The following MBD5 variants were observed in gnomAD, a reference collection of about 807,000 sequenced individuals.
The protein encoded by MBD5 is methyl-CpG binding domain protein 5, also known as methyl-CpG-binding domain protein 5.
A neutral mutation model predicts 117.3 loss-of-function variants in MBD5; 13 were observed. That is an observed-to-expected ratio of 0.11 (90% CI 0.07 to 0.18). The LOEUF (loss-of-function observed/expected upper bound fraction) is 0.18, where lower values mean the gene tolerates loss of function less well. Ranked by LOEUF, MBD5 falls within the 10% of genes least tolerant of loss-of-function variation. The probability of loss-of-function intolerance (pLI) is 1.00; values close to 1 mark genes in which losing one functional copy is unlikely to be tolerated. For missense variants in MBD5, 1,879 were observed against 2,093.8 expected (o/e 0.90, Z 2.00); for synonymous variants, 727 against 766.4 (o/e 0.95, Z 0.85).
chr2:148,431,996 C>T (rs1050772902), intron 4 of MBD5, among the ~76,000 whole-genome samples: 3 of 149,000 alleles, frequency 2.0e-5, no homozygotes, highest in Admixed American at 6.7e-5. Context: ...TTTATACTCC[C>T]GTTAGCACTC....
At position 148,354,424 on chromosome 2, in the gene MBD5, G is replaced by T. The variant is rs192727038; in HGVS notation, c.-557+12088G>T. 4.1e-3 allele frequency among the ~76,000 whole-genome samples: 631 copies of T among 152,244 alleles called. 7 individuals carry two copies. The highest frequency in any genetic ancestry group is 0.015 in the African/African-American group (608 of 41,540). ...AATGATGGCTTCCAGCTTCATCCATGTCCCTGCAAAGGACATGAACTCATC... is the reference window on the plus strand; with the variant it reads ...AATGATGGCTTCCAGCTTCATCCATTTCCCTGCAAAGGACATGAACTCATC... On this transcript the variant is annotated intron_variant, in intron 4 of 13. Coordinates refer to ENST00000642680, the MANE Select transcript of MBD5 (RefSeq NM_001378120.1).
chr2:148,336,014 G>A (rs952868799), intron 3 of MBD5, among the ~76,000 whole-genome samples: 2 of 152,292 alleles, frequency 1.3e-5, no homozygotes, highest in Non-Finnish European at 1.5e-5. Context: ...AAGATGGCAT[G>A]TGTGGTTTCC....
intron 2 of MBD5, among the ~76,000 whole-genome samples, chr2:148,206,199 T>C (rs1699278240): frequency 6.6e-6 from 1 of 151,922 alleles, no homozygotes; most frequent in Admixed American, 6.6e-5. Context: ...CGCATATATA[T>C]GTATACAGAG....
intron 1 of MBD5, among the ~76,000 whole-genome samples, chr2:148,172,406 G>A (rs551281562): frequency 6.6e-6 from 1 of 152,356 alleles, no homozygotes; most frequent in South Asian, 2.1e-4. Context: ...GCTCGGGGCT[G>A]TGCAGACATG....
At chr2:148,399,304 G>T (rs369998831) in intron 4 of MBD5, among the ~76,000 whole-genome samples, 1 of 152,006 alleles carries the variant, frequency 6.6e-6, no homozygotes, top group African/African-American at 2.4e-5. Flanking sequence ...GTTCTTCCAT[G>T]TGTTTGTATC....
At chr2:148,206,692 A>G (rs1699290441) in intron 2 of MBD5, among the ~76,000 whole-genome samples, 1 of 152,226 alleles carries the variant, frequency 6.6e-6, no homozygotes, top group African/African-American at 2.4e-5. Context: ...GATATGTTTA[A>G]AAGATACAAT....
chr2:148,148,640 TG>T (rs1424392500), intron 1 of MBD5, among the ~76,000 whole-genome samples: 2 of 152,194 alleles, frequency 1.3e-5, no homozygotes, highest in African/African-American at 4.8e-5. Flanking sequence ...TAGATGTTTT[TG>T]TTCTTCTTCC....
intron 1 of MBD5, among the ~76,000 whole-genome samples, chr2:148,030,750 A>G (rs76106164): frequency 0.033 from 5,030 of 152,286 alleles, 111 homozygotes; most frequent in Middle Eastern, 0.068. Flanking sequence ...AAATATACTT[A>G]CGTATTGAAG....
chr2:148,403,121 T>G (rs1466979898), intron 4 of MBD5, among the ~76,000 whole-genome samples: 1 of 152,146 alleles, frequency 6.6e-6, no homozygotes, highest in Non-Finnish European at 1.5e-5. Flanking sequence ...TAAAAATAGC[T>G]TTTATATCTC....
chr2:148,129,956 G>A (rs1696995140), intron 1 of MBD5, among the ~76,000 whole-genome samples: 1 of 152,074 alleles, frequency 6.6e-6, no homozygotes, highest in Non-Finnish European at 1.5e-5. Context: ...TCATCAAAAT[G>A]TTTGAATTAA....
chr2:148,035,363 A>T (rs964529382), intron 1 of MBD5, among the ~76,000 whole-genome samples: 17 of 152,044 alleles, frequency 1.1e-4, no homozygotes, highest in Admixed American at 5.2e-4. Flanking sequence ...TGCGTTAAAA[A>T]TTTTTTCTTT....
At chr2:148,289,151 T>A (rs1197548259) in intron 3 of MBD5, among the ~76,000 whole-genome samples, 1 of 152,128 alleles carries the variant, frequency 6.6e-6, no homozygotes, top group Non-Finnish European at 1.5e-5. Context: ...CCAAAATAGT[T>A]TTTTTATTTG....
At chr2:148,430,376 C>G (rs1487146115) in intron 4 of MBD5, among the ~76,000 whole-genome samples, 5 of 152,116 alleles carry the variant, frequency 3.3e-5, no homozygotes, top group Non-Finnish European at 7.4e-5. Context: ...AAATTATGCT[C>G]TTAACCAACA....
intron 4 of MBD5, among the ~76,000 whole-genome samples, chr2:148,451,455 T>A (rs1706725911): frequency 6.6e-6 from 1 of 152,002 alleles, no homozygotes; most frequent in Non-Finnish European, 1.5e-5. Flanking sequence ...GAATGAGGGA[T>A]TGACTAGGTA....
intron 1 of MBD5, chr2:148,025,515 C>T (rs1318562154): frequency 6.8e-6 from 1 of 147,876 alleles, no homozygotes; most frequent in Non-Finnish European, 1.5e-5. Context: ...AGATGACCAA[C>T]AATGTTCATT....
chr2:148,215,268 A>G (rs1699523517), intron 2 of MBD5, among the ~76,000 whole-genome samples: 1 of 152,212 alleles, frequency 6.6e-6, no homozygotes. Flanking sequence ...AGCCCCCAAA[A>G]TAGTGTCTGG....
At chr2:148,217,727 T>C (rs1405716961) in intron 2 of MBD5, among the ~76,000 whole-genome samples, 1 of 152,204 alleles carries the variant, frequency 6.6e-6, no homozygotes, top group African/African-American at 2.4e-5. Context: ...TGCCATCCCA[T>C]CATCTTTCAT....
chr2:148,228,508 T>C lies in MBD5; in HGVS notation c.-830-4737T>C, dbSNP rs557319355. 2.0e-3 allele frequency among the ~76,000 whole-genome samples: 309 copies of C among 152,320 alleles called. 2 individuals carry two copies. Among genetic ancestry groups the C allele is most frequent in the Non-Finnish European group, 3.3e-3 (225 of 68,034 alleles). The stretch of plus-strand genomic sequence containing the variant: ...CTTTTTGATGTGTTGCTGGATTTGG[T>C]TTGCCAGTATTTTATTGAGGATTTT... On this transcript the variant is annotated intron_variant, in intron 2 of 13. Transcript: ENST00000642680.
At chr2:148,381,501 C>T (rs543674087) in intron 4 of MBD5, among the ~76,000 whole-genome samples, 90 of 152,222 alleles carry the variant, frequency 5.9e-4, no homozygotes, top group Non-Finnish European at 9.3e-4. Context: ...CTGAAAGTGA[C>T]GGGGAGATTG....
Sources: gnomAD v4.1 joint callset for allele counts (sites outside exome capture counted in the v4.1 genomes callset) on GRCh38, gnomAD v4.1.1 for gene constraint, MANE v1.5 for transcripts, NCBI Gene and HGNC (gene_info 2026-07-23, HGNC 2026-07-21) for gene names.